The following TXNDC15 variants were observed in gnomAD, a reference collection of about 807,000 sequenced individuals.
The protein encoded by TXNDC15 is thioredoxin domain containing 15.
In TXNDC15, 24 loss-of-function variants were observed where a neutral mutation model predicts 35.0. That is an observed-to-expected ratio of 0.68 (90% CI 0.50 to 0.96). The LOEUF is 0.96. TXNDC15 is among the 40% of genes least tolerant of loss of function. The pLI, the probability that TXNDC15 is intolerant of heterozygous loss-of-function variation, is 0.00. For synonymous variants in TXNDC15, 169 were observed against 174.0 expected (o/e 0.97, Z 0.23); for missense variants, 385 against 453.3 (o/e 0.85, Z 1.37).
intron 1 of TXNDC15, among the ~76,000 whole-genome samples, chr5:134,883,587 C>CAAAAAAAAAAAA (rs60114636): frequency 5.4e-4 from 35 of 65,328 alleles, no homozygotes; most frequent in Admixed American, 6.2e-4. Flanking sequence ...GACCCTGTCT[C>CAAAAAAAAAAAA]AAAAAAAAAA....
chr5:134,885,718 G>T (rs1750262215), intron 1 of TXNDC15, among the ~76,000 whole-genome samples: 1 of 152,198 alleles, frequency 6.6e-6, no homozygotes, highest in Non-Finnish European at 1.5e-5. Context: ...CTGAGCCACA[G>T]TGGGAACGCC....
intron 2 of TXNDC15, among the ~76,000 whole-genome samples, chr5:134,888,802 A>G (rs1400370619): frequency 6.6e-6 from 1 of 152,160 alleles, no homozygotes; most frequent in Non-Finnish European, 1.5e-5. Flanking sequence ...TTCCAAATGA[A>G]GTATTTATTT....
chr5:134,892,429 A>G (rs1316691734), intron 2 of TXNDC15: 1 of 152,228 alleles, frequency 6.6e-6, no homozygotes, highest in African/African-American at 2.4e-5. Context: ...TATAGCATTA[A>G]GATTTTCTCC....
At chr5:134,879,364 A>C (rs1049255860) in intron 1 of TXNDC15, among the ~76,000 whole-genome samples, 1 of 152,006 alleles carries the variant, frequency 6.6e-6, no homozygotes, top group Non-Finnish European at 1.5e-5. Context: ...GGCATTCTTC[A>C]TTTACTTGTG....
At chr5:134,882,443 CG>C (rs1231711487) in intron 1 of TXNDC15, among the ~76,000 whole-genome samples, 2 of 152,090 alleles carry the variant, frequency 1.3e-5, no homozygotes, top group Non-Finnish European at 2.9e-5. Context: ...GACAGGGTGG[CG>C]GCCGGGCAGA....
At chr5:134,874,333 C>T, upstream of TXNDC15, 3 of 1,075,936 alleles carry the variant, frequency 2.8e-6, no homozygotes, top group Middle Eastern at 6.2e-4. Flanking sequence ...CGGCGCGGGG[C>T]CGCGCCCGCG....
chr5:134,884,219 CAA>C (rs372857992), intron 1 of TXNDC15, among the ~76,000 whole-genome samples: 3 of 89,520 alleles, frequency 3.4e-5, no homozygotes, highest in African/African-American at 3.8e-5. Context: ...GACTCAGTTT[CAA>C]AAAAAAAAAA....
At chr5:134,877,641 C>T (rs973783911) in intron 1 of TXNDC15, among the ~76,000 whole-genome samples, 4 of 151,962 alleles carry the variant, frequency 2.6e-5, no homozygotes, top group Non-Finnish European at 5.9e-5. Flanking sequence ...GAGTCTTGCT[C>T]TTGTCACCCA....
At position 134,899,559 on chromosome 5, in the gene TXNDC15, A is replaced by G. The variant is rs751714016; in HGVS notation, c.957A>G (p.Ile319Met). 1.2e-6 allele frequency: 2 copies of G among 1,614,040 alleles called. No individual in the cohort carries two copies. The highest frequency in any genetic ancestry group is 2.2e-5 in the East Asian group (1 of 44,876). The change falls in exon 5 of 5, where the codon ATA (isoleucine) becomes ATG (methionine). Residue 319 changes from isoleucine to methionine, a missense_variant. Transcript: ENST00000358387. ...TAGGCCCTCTTCCCAGCACTTTGATAAAAAGTGTGGACTGGTTGCTTGTAT... is the reference window on the plus strand; with the variant it reads ...TAGGCCCTCTTCCCAGCACTTTGATGAAAAGTGTGGACTGGTTGCTTGTAT... The part of the protein sequence containing the change: ...DQIGPLPSTL[I>M]KSVDWLLVFS...
intron 1 of TXNDC15, chr5:134,874,955 C>T: frequency 2.7e-6 from 1 of 364,500 alleles, no homozygotes; most frequent in Middle Eastern, 7.9e-4. Context: ...AATGCTCCCA[C>T]AAACCCTGTC....
chr5:134,878,973 C>T (rs987327550), intron 1 of TXNDC15, among the ~76,000 whole-genome samples: 2 of 152,060 alleles, frequency 1.3e-5, no homozygotes, highest in Admixed American at 6.6e-5. Flanking sequence ...CACTCCAGCC[C>T]GGACAACAGA....
At chr5:134,890,970 T>G (rs937942569) in intron 2 of TXNDC15, among the ~76,000 whole-genome samples, 42 of 152,226 alleles carry the variant, frequency 2.8e-4, no homozygotes, top group African/African-American at 9.6e-4. Context: ...AATCAACTCC[T>G]CATCTCTTCA....
intron 1 of TXNDC15, among the ~76,000 whole-genome samples, chr5:134,879,868 T>A (rs1373591333): frequency 6.7e-6 from 1 of 150,010 alleles, no homozygotes; most frequent in African/African-American, 2.5e-5. Flanking sequence ...GATTCTCGGC[T>A]CACTGCAGCC....
chr5:134,893,792 G>T, intron 3 of TXNDC15, 137 bp downstream of exon 3: 1 of 1,141,972 alleles, frequency 8.8e-7, no homozygotes. Flanking sequence ...AGGCAAGAGT[G>T]AATAGTGAGG....
chr5:134,893,498 A>G lies in TXNDC15; in HGVS notation c.598A>G (p.Met200Val), dbSNP rs781658050. The change falls in exon 3 of 5, where the codon ATG (methionine) becomes GTG (valine). Residue 200 changes from methionine to valine, a missense_variant. Met to Val is a conservative substitution (Grantham distance 21). Coordinates refer to ENST00000358387, the MANE Select transcript of TXNDC15 (RefSeq NM_024715.4). ...CTTGTTTCTTTTACCACAGGACCTTATGGATTTTCTGAACCCAAACGGTAG... is the reference window on the plus strand; with the variant it reads ...CTTGTTTCTTTTACCACAGGACCTTGTGGATTTTCTGAACCCAAACGGTAG... ...LKILNMSQDL[M>V]DFLNPNGSDC... 87 of 1,613,984 alleles carry G rather than the reference A, an allele frequency of 5.4e-5. No individual in the cohort carries two copies. Among genetic ancestry groups the G allele is most frequent in the Non-Finnish European group, 6.7e-5 (79 of 1,180,024 alleles).
In TXNDC15 at chr5:134,887,712, C is replaced by T. The variant is rs1561899311; in HGVS notation, c.121C>T (p.Arg41Cys). Residue 41 changes from arginine (R) to cysteine (C), a missense_variant, in exon 2 of 5, where the codon CGC (arginine) becomes TGC (cysteine). Arg to Cys is a radical substitution (Grantham distance 180). Coordinates refer to ENST00000358387, the MANE Select transcript of TXNDC15 (RefSeq NM_024715.4). ...RGVEVAEESG[R>C]LWSEEQPAHP... Reference sequence around the variant, plus strand: ...TGTTTTAGTTGCAGAGGAAAGTGGTCGCTTATGGTCAGAGGAGCAGCCTGC... The same window carrying T: ...TGTTTTAGTTGCAGAGGAAAGTGGTTGCTTATGGTCAGAGGAGCAGCCTGC... 10 of 1,576,386 alleles carry T rather than the reference C, an allele frequency of 6.3e-6. No homozygotes were observed. The highest frequency in any genetic ancestry group is 2.3e-5 in the South Asian group (2 of 86,484).
chr5:134,880,453 T>G (rs1012195345), intron 1 of TXNDC15, among the ~76,000 whole-genome samples: 3 of 151,984 alleles, frequency 2.0e-5, no homozygotes, highest in Non-Finnish European at 4.4e-5. Context: ...TTTTTTTTTT[T>G]TGAGATGGAG....
At chr5:134,897,253 T>C (rs190690148) in intron 4 of TXNDC15, among the ~76,000 whole-genome samples, 29 of 149,536 alleles carry the variant, frequency 1.9e-4, no homozygotes, top group African/African-American at 6.9e-4. Flanking sequence ...GATACTTTAT[T>C]GTTTGATTGA....
At chr5:134,887,563 T>C (rs1217888047) in intron 1 of TXNDC15, 132 bp from the exon 2 acceptor site, 1 of 1,118,718 alleles carries the variant, frequency 8.9e-7, no homozygotes, top group Non-Finnish European at 1.3e-6. Flanking sequence ...TGAGTAGCTC[T>C]CTGATAGTTT....
Sources: gnomAD v4.1 joint callset for allele counts (sites outside exome capture counted in the v4.1 genomes callset) on GRCh38, gnomAD v4.1.1 for gene constraint, MANE v1.5 for transcripts, NCBI Gene and HGNC (gene_info 2026-07-23, HGNC 2026-07-21) for gene names.